Variants in TOPBP1 observed in about 807,000 individuals in gnomAD.
The protein encoded by TOPBP1 is DNA topoisomerase II binding protein 1.
A neutral mutation model predicts 167.7 loss-of-function variants in TOPBP1; 28 were observed. The ratio of observed to expected loss-of-function variants is 0.17; its 90% CI spans 0.12 to 0.23. The LOEUF (loss-of-function observed/expected upper bound fraction) is 0.23, where lower values mean the gene tolerates loss of function less well. Among genes scored for constraint, TOPBP1 ranks in the 10% least tolerant of loss-of-function variants. TOPBP1 has a pLI of 1.00. For synonymous variants in TOPBP1, 598 were observed against 611.4 expected (o/e 0.98, Z 0.32); for missense variants, 1,554 against 1,809.6 (o/e 0.86, Z 2.56).
intron 16 of TOPBP1, among the ~76,000 whole-genome samples, chr3:133,624,416 T>C (rs1935200507): frequency 6.6e-6 from 1 of 151,994 alleles, no homozygotes; most frequent in African/African-American, 2.4e-5. Flanking sequence ...TGTGCTATGA[T>C]CACCCCTGTG....
intron 21 of TOPBP1, chr3:133,617,986 C>G: frequency 2.0e-6 from 1 of 493,836 alleles, no homozygotes; most frequent in Admixed American, 3.3e-5. Flanking sequence ...AAAAAACGCC[C>G]AATTCTAAAT....
At chr3:133,603,096 A>G (rs1384768721) in intron 27 of TOPBP1, among the ~76,000 whole-genome samples, 1 of 151,948 alleles carries the variant, frequency 6.6e-6, no homozygotes, top group Admixed American at 6.6e-5. Flanking sequence ...CGGTTTCACC[A>G]TATTGGCCAG....
chr3:133,613,889 G>A (rs1371641273), intron 23 of TOPBP1, among the ~76,000 whole-genome samples: 3 of 151,808 alleles, frequency 2.0e-5, no homozygotes, highest in Non-Finnish European at 4.4e-5. Context: ...TGCTTCCCGG[G>A]TTCAAGCAAT....
intron 24 of TOPBP1, 135 bp downstream of exon 24, chr3:133,612,254 T>C (rs1427246527): frequency 5.7e-6 from 5 of 882,854 alleles, no homozygotes; most frequent in Non-Finnish European, 8.5e-6. Flanking sequence ...TGGCCAGGCA[T>C]GTCTCGAACT....
intron 1 of TOPBP1, among the ~76,000 whole-genome samples, 194 bp downstream of exon 1, chr3:133,661,575 C>T (rs1320393306): frequency 6.6e-6 from 1 of 152,200 alleles, no homozygotes; most frequent in African/African-American, 2.4e-5. Flanking sequence ...GCTAGATGCT[C>T]CGGTTCCCAT....
intron 4 of TOPBP1, 22 bp downstream of exon 4, chr3:133,657,776 T>C: frequency 2.0e-6 from 3 of 1,507,506 alleles, no homozygotes; most frequent in Non-Finnish European, 2.7e-6. Context: ...AATTGATCAA[T>C]CATCATGAGA....
chr3:133,611,549 T>G (rs1934677130), intron 24 of TOPBP1, among the ~76,000 whole-genome samples: 1 of 152,206 alleles, frequency 6.6e-6, no homozygotes, highest in Non-Finnish European at 1.5e-5. Flanking sequence ...TACAATGAGA[T>G]AATCTTGAAA....
chr3:133,622,968 G>A, intron 19 of TOPBP1, 123 bp downstream of exon 19: 1 of 565,404 alleles, frequency 1.8e-6, no homozygotes, highest in South Asian at 2.9e-5. Flanking sequence ...CACAAGGCAG[G>A]AGGATCCTTT....
In TOPBP1 at chr3:133,622,231, C is replaced by A. The variant is rs185743963; in HGVS notation, c.3178+860G>T. 1.9e-3 allele frequency among the ~76,000 whole-genome samples: 227 copies of A among 117,856 alleles called. 1 individual carries two copies. Among genetic ancestry groups the A allele is most frequent in the Middle Eastern group, 7.2e-3 (1 of 138 alleles). The allele number at this position is 117,856 out of a possible 152,430, so 77.3% of individuals were successfully genotyped here. A position where few individuals can be genotyped will look rare whatever the true frequency, so the allele number is the denominator to read the frequency against. Reference sequence around the variant, plus strand: ...TGAGACAAGAGTTTTGCTCTTCTTGCCCAGGCTGGAGTGCAATGGCATGAT... The same window carrying A: ...TGAGACAAGAGTTTTGCTCTTCTTGACCAGGCTGGAGTGCAATGGCATGAT... On this transcript the variant is annotated intron_variant, in intron 19 of 27. Transcript: ENST00000260810.
chr3:133,622,044 A>G (rs572025429), intron 19 of TOPBP1, among the ~76,000 whole-genome samples: 18 of 152,014 alleles, frequency 1.2e-4, no homozygotes, highest in African/African-American at 4.3e-4. Context: ...GGGGACAGGA[A>G]GGAAAGGGAG....
rs1321395819 is a variant in TOPBP1, at chr3:133,653,539, A to T, written c.743-15T>A. 1.3e-6 allele frequency: 2 copies of T among 1,523,832 alleles called. No individual in the cohort carries two copies. Among genetic ancestry groups the T allele is most frequent in the African/African-American group, 2.8e-5 (2 of 70,270 alleles). The allele number at this position is 1,523,832 out of a possible 1,614,324, so 94.4% of individuals were successfully genotyped here. Reference sequence around the variant, plus strand: ...ATACTTCTGACCTGTGGCGTTCATTAAGAAAGAAATAGAGAAAATAGGAGA... The same window carrying T: ...ATACTTCTGACCTGTGGCGTTCATTTAGAAAGAAATAGAGAAAATAGGAGA... On this transcript the variant is annotated splice_polypyrimidine_tract_variant and intron_variant, in intron 6 of 27. Coordinates refer to ENST00000260810, the MANE Select transcript of TOPBP1 (RefSeq NM_007027.4).
intron 14 of TOPBP1, among the ~76,000 whole-genome samples, chr3:133,629,335 C>T (rs972024476): frequency 2.6e-5 from 4 of 152,138 alleles, no homozygotes; most frequent in Admixed American, 6.5e-5. Flanking sequence ...GATAAGCTTT[C>T]GGTTAACAGT....
At chr3:133,630,165 T>C (rs1159313875) in intron 14 of TOPBP1, among the ~76,000 whole-genome samples, 1 of 151,810 alleles carries the variant, frequency 6.6e-6, no homozygotes, top group African/African-American at 2.4e-5. Context: ...GTTGTTAGTC[T>C]TTTTTTTAAT....
Position 133,640,144 on chromosome 3 carries a change from G to C in TOPBP1, c.2048C>G (p.Ser683Cys), listed in dbSNP as rs751568442. Residue 683 changes from serine (S) to cysteine (C), a missense_variant, in exon 13 of 28, where the codon TCC (serine) becomes TGC (cysteine). Transcript: ENST00000260810. The stretch of plus-strand genomic sequence containing the variant: ...GGCAAACATGCCTTTCTTTGCATTG[G>C]ATTTGCGAACAAAGTATTCTTGAAC... Reference protein sequence around the residue: ...ASVQEYFVRKSNAKKGMFAST... With the variant: ...ASVQEYFVRKCNAKKGMFAST... The C allele has an allele frequency of 4.8e-5, 78 of 1,613,370 alleles. No individual in the cohort carries two copies. Among genetic ancestry groups the C allele is most frequent in the Non-Finnish European group, 6.3e-5 (74 of 1,179,734 alleles).
At chr3:133,642,014 G>T (rs761083146) in intron 12 of TOPBP1, among the ~76,000 whole-genome samples, 1 of 151,934 alleles carries the variant, frequency 6.6e-6, no homozygotes, top group African/African-American at 2.4e-5. Context: ...TTTGGAGACA[G>T]GATCTCATTT....
At chr3:133,641,118 TATA>T (rs2107811225) in intron 12 of TOPBP1, among the ~76,000 whole-genome samples, 1 of 152,324 alleles carries the variant, frequency 6.6e-6, no homozygotes, top group African/African-American at 2.4e-5. Context: ...TTAGTACTTT[TATA>T]ATTTCATTTT....
rs1934658584 is a variant in TOPBP1 at position 133,611,057 on chromosome 3, C to A, written c.4120G>T (p.Ala1374Ser). ...NVQQRRLALAAMRWRKKIQQR... is the reference protein window; with the variant it reads ...NVQQRRLALASMRWRKKIQQR... ...TGGATTTTTTTTCTCCATCTCATTG[C>A]TGCAAGTGCTAGTCTTCGTTGCTGT... The change falls in exon 25 of 28, where the codon GCA (alanine) becomes TCA (serine). Residue 1374 changes from alanine (A) to serine (S), a missense_variant. By Grantham distance (99) the Ala-to-Ser change is moderately conservative (BLOSUM62 1). Coordinates refer to ENST00000260810, the MANE Select transcript of TOPBP1 (RefSeq NM_007027.4). 6.2e-7 allele frequency: 1 copy of A among 1,613,370 alleles called. No individual in the cohort carries two copies.
chr3:133,652,537 G>A lies in TOPBP1; in HGVS notation c.1015C>T (p.Pro339Ser). 1 of 1,611,906 alleles carries A rather than the reference G, an allele frequency of 6.2e-7. No homozygotes were observed. The highest frequency in any genetic ancestry group is 1.1e-5 in the South Asian group (1 of 90,938). ...AGATTTTCTAGATTTTCAAGTGTAG[G>A]CTCCAGTTTGCTGTTAAGTGAATTA... ...ICNSLNSKLE[P>S]TLENLENLDV... The change falls in exon 8 of 28, where the codon CCT becomes TCT. Residue 339 changes from proline (P) to serine (S), a missense_variant. Physicochemically the swap from Pro to Ser is moderately conservative, Grantham distance 74. Around this residue, in one of 3 missense-constraint regions of TOPBP1, gnomAD observed 1,197 missense variants for 1,351.5 expected, o/e 0.89. Coordinates refer to ENST00000260810, the MANE Select transcript of TOPBP1 (RefSeq NM_007027.4).
At chr3:133,652,138 TAAAAAA>T (rs11447866) in intron 8 of TOPBP1, among the ~76,000 whole-genome samples, 2 of 146,306 alleles carry the variant, frequency 1.4e-5, no homozygotes, top group African/African-American at 5.0e-5. Flanking sequence ...TCAAAAAAAT[TAAAAAA>T]AAAAAATCCA....
Sources: allele counts gnomAD v4.1 joint callset (sites outside exome capture counted in the v4.1 genomes callset), GRCh38; gene constraint gnomAD v4.1.1; regional missense constraint gnomAD v4.1.1; transcripts MANE v1.5; gene names NCBI Gene and HGNC (gene_info 2026-07-23, HGNC 2026-07-21).